The following TRHDE variants were observed in gnomAD, a reference collection of about 807,000 sequenced individuals.
TRHDE encodes the protein thyrotropin-releasing hormone-degrading ectoenzyme.
A neutral mutation model predicts 125.7 loss-of-function variants in TRHDE; 72 were observed. The ratio of observed to expected loss-of-function variants is 0.57; its 90% CI spans 0.47 to 0.70. TRHDE has a LOEUF of 0.70. TRHDE is among the 30% of genes least tolerant of loss of function. The probability of loss-of-function intolerance (pLI) is 0.00; values close to 1 mark genes in which losing one functional copy is unlikely to be tolerated. For missense variants in TRHDE, 1,110 were observed against 1,327.1 expected (o/e 0.84, Z 2.54); for synonymous variants, 509 against 509.1 (o/e 1.00, Z 0.00).
intron 4 of TRHDE, 34 bp from the exon 5 acceptor site, chr12:72,473,033 T>C (rs1592471255): frequency 1.3e-6 from 2 of 1,491,484 alleles, no homozygotes; most frequent in Non-Finnish European, 1.9e-6. Context: ...ATAGATTTTA[T>C]TTTATTTGAT....
intron 7 of TRHDE, among the ~76,000 whole-genome samples, chr12:72,557,867 A>T (rs1423951465): frequency 1.3e-5 from 2 of 152,128 alleles, no homozygotes; most frequent in Admixed American, 6.6e-5. Context: ...TTTAAATATG[A>T]TATTTTGGGG....
chr12:72,632,658 T>C (rs1339051185), intron 15 of TRHDE, among the ~76,000 whole-genome samples: 1 of 151,766 alleles, frequency 6.6e-6, no homozygotes, highest in African/African-American at 2.4e-5. Context: ...GCTGGATATA[T>C]TGCAAGAAAA....
At chr12:72,383,567 G>C (rs965274880) in intron 3 of TRHDE, among the ~76,000 whole-genome samples, 7 of 151,700 alleles carry the variant, frequency 4.6e-5, no homozygotes, top group African/African-American at 1.7e-4. Flanking sequence ...AGTACAGACA[G>C]GGTTTCACTA....
chr12:72,616,228 T>C (rs976785606), intron 12 of TRHDE, among the ~76,000 whole-genome samples: 2 of 152,148 alleles, frequency 1.3e-5, no homozygotes, highest in African/African-American at 4.8e-5. Flanking sequence ...GCCAGAAGTC[T>C]TATAAAACCT....
chr12:72,160,592 G>A (rs1164149708), intron 2 of TRHDE, among the ~76,000 whole-genome samples: 1 of 152,118 alleles, frequency 6.6e-6, no homozygotes, highest in African/African-American at 2.4e-5. Context: ...GGGAGGCTGA[G>A]GCAGGAAAAT....
At chr12:72,265,469 G>A (rs1290544910) in intron 2 of TRHDE, among the ~76,000 whole-genome samples, 1 of 151,770 alleles carries the variant, frequency 6.6e-6, no homozygotes, top group African/African-American at 2.4e-5. Context: ...GATTCTTATA[G>A]TGTCATGTGG....
At chr12:72,467,051 A>G (rs1479305203) in intron 3 of TRHDE, among the ~76,000 whole-genome samples, 1 of 152,176 alleles carries the variant, frequency 6.6e-6, no homozygotes, top group Non-Finnish European at 1.5e-5. Flanking sequence ...GAATGCATAG[A>G]TTACCTGTTT....
intron 17 of TRHDE, among the ~76,000 whole-genome samples, chr12:72,654,569 A>C (rs543612281): frequency 1.3e-5 from 2 of 152,260 alleles, no homozygotes; most frequent in African/African-American, 4.8e-5. Context: ...AATTGGCCAT[A>C]GAGGTTTCCT....
At position 72,162,042 on chromosome 12, in the gene TRHDE, C is replaced by T. The variant is rs543674005; in HGVS notation, n.279+56290C>T. Reference sequence around the variant, plus strand: ...TTACTATGGCACTTAGTAAATTTTCCTGTCTTCCCATCATCCATAGGACAG... The same window carrying T: ...TTACTATGGCACTTAGTAAATTTTCTTGTCTTCCCATCATCCATAGGACAG... On this transcript the variant is annotated intron_variant and non_coding_transcript_variant, in intron 2 of 4. Transcript: ENST00000548156. Among the ~76,000 whole-genome samples the T allele has an allele frequency of 2.6e-3, 400 of 152,286 alleles. 1 individual carries two copies. The highest frequency in any genetic ancestry group is 9.2e-3 in the African/African-American group (382 of 41,562).
intron 2 of TRHDE, among the ~76,000 whole-genome samples, chr12:72,376,693 T>G: frequency 6.6e-6 from 1 of 152,210 alleles, no homozygotes; most frequent in Middle Eastern, 3.2e-3. Flanking sequence ...ATTTCTGTTC[T>G]CTCTCTTTAG....
chr12:72,572,089 G>T (rs1357635606), intron 10 of TRHDE, among the ~76,000 whole-genome samples: 1 of 150,386 alleles, frequency 6.6e-6, no homozygotes, highest in Non-Finnish European at 1.5e-5. Context: ...ATATGCACAG[G>T]ATTCTTTATA....
At chr12:72,496,180 A>G (rs894597067) in intron 5 of TRHDE, among the ~76,000 whole-genome samples, 3 of 152,212 alleles carry the variant, frequency 2.0e-5, no homozygotes, top group Non-Finnish European at 2.9e-5. Flanking sequence ...ACACTTACAT[A>G]CACATACACA....
At chr12:72,463,499 A>G (rs1172059355) in intron 3 of TRHDE, among the ~76,000 whole-genome samples, 1 of 152,222 alleles carries the variant, frequency 6.6e-6, no homozygotes, top group Admixed American at 6.5e-5. Flanking sequence ...AAGGAAAAGT[A>G]TGAGAGAAAG....
intron 7 of TRHDE, 48 bp from the exon 8 acceptor site, chr12:72,562,110 TTTACTAG>T: frequency 1.3e-6 from 1 of 757,258 alleles, no homozygotes; most frequent in Non-Finnish European, 2.3e-6. Flanking sequence ...AATAAATGTG[TTTACTAG>T]TTACTGTTTA....
chr12:72,606,170 G>A (rs904214030), intron 12 of TRHDE, among the ~76,000 whole-genome samples: 17 of 152,298 alleles, frequency 1.1e-4, no homozygotes, highest in African/African-American at 4.1e-4. Flanking sequence ...TGGGGCACTT[G>A]TATGTGGGAT....
intron 2 of TRHDE, among the ~76,000 whole-genome samples, chr12:72,197,259 C>T (rs559195317): frequency 3.3e-5 from 5 of 152,166 alleles, no homozygotes; most frequent in South Asian, 4.1e-4. Context: ...AGTATCACAT[C>T]GCAGTGAAGC....
At chr12:72,575,182 G>A in intron 10 of TRHDE, 73 bp from the exon 11 acceptor site, 3 of 1,408,720 alleles carry the variant, frequency 2.1e-6, no homozygotes, top group Non-Finnish European at 3.0e-6. Context: ...GTTATATCTG[G>A]CGTTAAGAAA....
At chr12:72,646,862 G>A (rs1874302170) in intron 15 of TRHDE, among the ~76,000 whole-genome samples, 1 of 151,716 alleles carries the variant, frequency 6.6e-6, no homozygotes, top group Admixed American at 6.6e-5. Flanking sequence ...ACTGAAGGGA[G>A]AAATAAAAAA....
intron 2 of TRHDE, among the ~76,000 whole-genome samples, chr12:72,228,129 G>C (rs1878172562): frequency 6.6e-6 from 1 of 152,162 alleles, no homozygotes; most frequent in South Asian, 2.1e-4. Flanking sequence ...CCCCAAGTTG[G>C]GACTCTGTGT....
Sources: gnomAD v4.1 joint callset for allele counts (sites outside exome capture counted in the v4.1 genomes callset) on GRCh38, gnomAD v4.1.1 for gene constraint, MANE v1.5 for transcripts, NCBI Gene and HGNC (gene_info 2026-07-23, HGNC 2026-07-21) for gene names.